ABHD17C: variants seen among roughly 807,000 people sequenced by gnomAD.
ABHD17C encodes alpha/beta hydrolase domain-containing protein 17C.
A neutral mutation model predicts 27.9 loss-of-function variants in ABHD17C; 11 were observed. That is an observed-to-expected ratio of 0.39 (90% CI 0.25 to 0.65). The LOEUF is 0.65. Ranked by LOEUF, ABHD17C falls within the 30% of genes least tolerant of loss-of-function variation. ABHD17C has a pLI of 0.45. For synonymous variants in ABHD17C, 233 were observed against 209.1 expected, an observed-to-expected ratio of 1.11 and a Z score of -0.98; for missense variants, 280 against 470.2, an observed-to-expected ratio of 0.60 and a Z score of 3.74.
At chr15:80,724,346 C>CA (rs1224933041) in intron 1 of ABHD17C, among the ~76,000 whole-genome samples, 22 of 151,272 alleles carry the variant, frequency 1.5e-4, no homozygotes, top group South Asian at 2.1e-4. Context: ...CCGTCCCCTC[C>CA]AAAAAAAACC....
At chr15:80,722,809 G>A (rs1016449400) in intron 1 of ABHD17C, among the ~76,000 whole-genome samples, 2 of 152,144 alleles carry the variant, frequency 1.3e-5, no homozygotes, top group East Asian at 1.9e-4. Flanking sequence ...GTGAGATCAC[G>A]TAGCATGTGT....
chr15:80,703,598 A>G (rs989324060), intron 1 of ABHD17C: 4 of 152,142 alleles, frequency 2.6e-5, no homozygotes, highest in African/African-American at 9.7e-5. Flanking sequence ...GTACTTTAGA[A>G]TCTCCTAGGT....
At chr15:80,698,546 C>T (rs1894529547) in intron 1 of ABHD17C, among the ~76,000 whole-genome samples, 1 of 152,142 alleles carries the variant, frequency 6.6e-6, no homozygotes, top group South Asian at 2.1e-4. Flanking sequence ...ACCATTGCCA[C>T]GGTAAGCATA....
intron 1 of ABHD17C, among the ~76,000 whole-genome samples, chr15:80,732,457 C>G (rs13380392): frequency 0.22 from 32,896 of 152,114 alleles, 4,090 homozygotes; most frequent in South Asian, 0.3. Context: ...GTTTCCTTCT[C>G]TATGAAATAA....
chr15:80,701,559 A>C (rs750203010), intron 1 of ABHD17C, among the ~76,000 whole-genome samples: 1 of 151,588 alleles, frequency 6.6e-6, no homozygotes, highest in Non-Finnish European at 1.5e-5. Flanking sequence ...GGCACCTATA[A>C]TCCCACCTAC....
chr15:80,710,656 G>C (rs60694114), intron 1 of ABHD17C, among the ~76,000 whole-genome samples: 3,063 of 152,278 alleles, frequency 0.02, 89 homozygotes, highest in Admixed American at 0.09. Context: ...GGAGTGTCAA[G>C]GATAACGCCA....
At chr15:80,745,027 A>T (rs185851477) in intron 1 of ABHD17C, among the ~76,000 whole-genome samples, 1 of 152,196 alleles carries the variant, frequency 6.6e-6, no homozygotes, top group Admixed American at 6.5e-5. Context: ...TCCATATCTG[A>T]AGTATCTGGT....
At chr15:80,749,340 A>G (rs1280154384) in intron 1 of ABHD17C, among the ~76,000 whole-genome samples, 173 bp from the exon 2 acceptor site, 2 of 152,184 alleles carry the variant, frequency 1.3e-5, no homozygotes, top group African/African-American at 4.8e-5. Context: ...CAGGCCCCTA[A>G]CAATTGTTTT....
At chr15:80,726,501 G>GTTTGTTTTTTTTTTTTTTTTTTT (rs1894978114) in intron 1 of ABHD17C, among the ~76,000 whole-genome samples, 1 of 94,508 alleles carries the variant, frequency 1.1e-5, no homozygotes, top group African/African-American at 5.4e-5. Flanking sequence ...TCTTTTTCTG[G>GTTTGTTTTTTTTTTTTTTTTTTT]TTTTTTTTTT....
chr15:80,706,898 C>A (rs1023554892), intron 1 of ABHD17C, among the ~76,000 whole-genome samples: 5 of 152,214 alleles, frequency 3.3e-5, no homozygotes, highest in Non-Finnish European at 7.3e-5. Flanking sequence ...GTCCTTATAA[C>A]ATGTAAACTT....
chr15:80,721,054 G>A (rs1894891098), intron 1 of ABHD17C, among the ~76,000 whole-genome samples: 1 of 151,536 alleles, frequency 6.6e-6, no homozygotes, highest in South Asian at 2.1e-4. Context: ...ATTTTCATAG[G>A]TGTCTTTTAT....
chr15:80,713,378 T>TTTTTTTTTTTTTTTA (rs1894754589), intron 1 of ABHD17C, among the ~76,000 whole-genome samples: 2 of 145,858 alleles, frequency 1.4e-5, no homozygotes, highest in African/African-American at 2.6e-5. Flanking sequence ...TTTTTTTTTT[T>TTTTTTTTTTTTTTTA]TTTTCAAAAT....
chr15:80,697,618 C>G (rs1482054352), intron 1 of ABHD17C, among the ~76,000 whole-genome samples: 2 of 150,194 alleles, frequency 1.3e-5, no homozygotes, highest in African/African-American at 4.9e-5. Flanking sequence ...GTAGTTATTT[C>G]CTGGAAACTT....
At chr15:80,720,087 A>G (rs1894872174) in intron 1 of ABHD17C, among the ~76,000 whole-genome samples, 1 of 152,208 alleles carries the variant, frequency 6.6e-6, no homozygotes. Context: ...GGCGTGAGCT[A>G]CCGCAACCAG....
chr15:80,716,839 C>G (rs1189505895), intron 1 of ABHD17C, among the ~76,000 whole-genome samples: 2 of 152,184 alleles, frequency 1.3e-5, no homozygotes, highest in Non-Finnish European at 2.9e-5. Context: ...TAAGGTATTT[C>G]CAAATTCTTC....
intron 1 of ABHD17C, among the ~76,000 whole-genome samples, chr15:80,723,655 G>C (rs537032962): frequency 6.6e-6 from 1 of 152,286 alleles, no homozygotes; most frequent in Admixed American, 6.5e-5. Flanking sequence ...TAGGTCAAGC[G>C]GATGTTTGCG....
Position 80,695,409 on chromosome 15 carries a change from G to T in ABHD17C, c.-21G>T. The T allele has an allele frequency of 8.2e-7, 1 of 1,221,090 alleles. No homozygotes were observed. Among genetic ancestry groups the T allele is most frequent in the Non-Finnish European group, 1.0e-6 (1 of 968,120 alleles). 75.6% of individuals were successfully genotyped at this position (1,221,090 alleles called of 1,614,324 possible). A position where few individuals can be genotyped will look rare whatever the true frequency, so the allele number is the denominator to read the frequency against. The stretch of plus-strand genomic sequence containing the variant: ...CAGCCAGCCAGCCAGCCGGGCCGGC[G>T]GCGGGCACCAGGCCGTCCCGATGCC... On this transcript the variant is annotated 5_prime_UTR_variant, in exon 1 of 3. Coordinates refer to ENST00000258884, the MANE Select transcript of ABHD17C (RefSeq NM_021214.2). The surrounding 1 kb of genome is among the most constrained non-coding windows in gnomAD (Gnocchi z 4.3).
In ABHD17C at chr15:80,726,501, G is replaced by GTTTTTTTTT. The variant is rs10572505; in HGVS notation, c.591-22992_591-22984dup. Among the ~76,000 whole-genome samples the GTTTTTTTTT allele has an allele frequency of 5.3e-5, 5 of 94,498 alleles. 2 individuals are homozygous for GTTTTTTTTT. The highest frequency in any genetic ancestry group is 2.7e-4 in the African/African-American group (5 of 18,714). The allele number at this position is 94,498 out of a possible 152,430, so 62.0% of individuals were successfully genotyped here. A position where few individuals can be genotyped will look rare whatever the true frequency, so the allele number is the denominator to read the frequency against. ...CCTTGGTTAATTGCTTCTTTTTCTG[G>GTTTTTTTTT]TTTTTTTTTTTTTTTTTTTTTTTTT... On this transcript the variant is annotated intron_variant, in intron 1 of 2. Transcript: ENST00000258884.
At chr15:80,720,192 C>G (rs186357175) in intron 1 of ABHD17C, among the ~76,000 whole-genome samples, 3 of 152,124 alleles carry the variant, frequency 2.0e-5, no homozygotes, top group Admixed American at 2.0e-4. Context: ...TTTTGCATCA[C>G]ACTCTCCCTT....
Sources: allele counts gnomAD v4.1 joint callset (sites outside exome capture counted in the v4.1 genomes callset), GRCh38; gene constraint gnomAD v4.1.1; non-coding constraint Gnocchi (gnomAD v3.1); transcripts MANE v1.5; gene names NCBI Gene and HGNC (gene_info 2026-07-23, HGNC 2026-07-21).